The following NUP98 variants were observed in gnomAD, a reference collection of about 807,000 sequenced individuals.
The protein encoded by NUP98 is nucleoporin 98 and 96 precursor.
A neutral mutation model predicts 191.9 loss-of-function variants in NUP98; 26 were observed. That is an observed-to-expected ratio of 0.14 (90% CI 0.10 to 0.19). The LOEUF (loss-of-function observed/expected upper bound fraction) is 0.19. Ranked by LOEUF, NUP98 falls within the 10% of genes least tolerant of loss-of-function variation. The pLI is 1.00. For missense variants in NUP98, 1,941 were observed against 2,178.8 expected, an observed-to-expected ratio of 0.89 and a Z score of 2.17; for synonymous variants, 808 against 778.4, an observed-to-expected ratio of 1.04 and a Z score of -0.63.
intron 1 of NUP98, among the ~76,000 whole-genome samples, chr11:3,793,858 A>G (rs112224240): frequency 0.01 from 1,536 of 152,000 alleles, 29 homozygotes; most frequent in African/African-American, 0.035. Flanking sequence ...TAATCCAGCT[A>G]CTCGGGAGGC....
intron 14 of NUP98, among the ~76,000 whole-genome samples, chr11:3,730,372 T>C (rs573605671): frequency 3.7e-4 from 57 of 152,200 alleles, no homozygotes; most frequent in African/African-American, 1.3e-3. Flanking sequence ...CTTTTTTTTT[T>C]TGGAGGCCGA....
intron 18 of NUP98, among the ~76,000 whole-genome samples, chr11:3,716,725 A>G (rs999644546): frequency 6.6e-6 from 1 of 152,076 alleles, no homozygotes; most frequent in African/African-American, 2.4e-5. Flanking sequence ...ATTCGACTAT[A>G]TAGATGAAGT....
chr11:3,784,237 C>G (rs2082066717), intron 1 of NUP98, among the ~76,000 whole-genome samples: 1 of 152,130 alleles, frequency 6.6e-6, no homozygotes. Flanking sequence ...ATTCTAATAA[C>G]CAAACATTTT....
intron 28 of NUP98, among the ~76,000 whole-genome samples, chr11:3,689,266 C>T (rs1286559574): frequency 1.3e-5 from 2 of 152,108 alleles, no homozygotes; most frequent in African/African-American, 4.8e-5. Context: ...GTGGCTCGCG[C>T]CTGTAATCCC....
intron 19 of NUP98, 140 bp from the exon 20 acceptor site, chr11:3,712,868 C>A (rs988177897): frequency 7.8e-6 from 6 of 766,898 alleles, no homozygotes; most frequent in Non-Finnish European, 1.2e-5. Context: ...AAATATATCA[C>A]CTATCACACT....
chr11:3,688,512 T>C lies in NUP98; in HGVS notation c.4455-2318A>G, dbSNP rs774541012. ...CTATATAATTAATATAGTTAAATACTGGCCAGGCACAGTGGCTCACACCTA... is the reference window on the plus strand; with the variant it reads ...CTATATAATTAATATAGTTAAATACCGGCCAGGCACAGTGGCTCACACCTA... On this transcript the variant is annotated intron_variant, in intron 28 of 32. Transcript: ENST00000324932. Among the ~76,000 whole-genome samples, 102 of 151,566 alleles carry C rather than the reference T, an allele frequency of 6.7e-4. 1 individual carries two copies. The highest frequency in any genetic ancestry group is 1.2e-3 in the Non-Finnish European group (84 of 67,864).
At chr11:3,757,296 C>T (rs1248817527) in intron 10 of NUP98, among the ~76,000 whole-genome samples, 1 of 151,722 alleles carries the variant, frequency 6.6e-6, no homozygotes, top group Non-Finnish European at 1.5e-5. Flanking sequence ...CGAGGCCAGC[C>T]TGGGTGACAT....
At position 3,762,891 on chromosome 11, in the gene NUP98, C is replaced by A. The variant is rs2134525327; in HGVS notation, c.1086+11G>T. The A allele has an allele frequency of 6.2e-7, 1 of 1,611,670 alleles. No homozygotes were observed. The highest frequency in any genetic ancestry group is 8.5e-7 in the Non-Finnish European group (1 of 1,179,322). On this transcript the variant is annotated intron_variant, in intron 9 of 32. Coordinates refer to ENST00000324932, the MANE Select transcript of NUP98 (RefSeq NM_016320.5). ...CACATCTTCAAATTACAGTCAACTG[C>A]AGAAACCTACCGAACCAACAGCACC... is the stretch of plus-strand genomic sequence containing the variant.
In NUP98 at chr11:3,719,555, A is replaced by G; in HGVS notation, c.2261-5T>C. On this transcript the variant is annotated splice_polypyrimidine_tract_variant and splice_region_variant and intron_variant, in intron 17 of 32. Transcript: ENST00000324932. ...CAAAATAGATTGAACCATAACCTAT[A>G]AATCAGAGCAAATAGTTAAAAATTC... 1 of 1,540,644 alleles carries G rather than the reference A, an allele frequency of 6.5e-7. No homozygotes were observed. The highest frequency in any genetic ancestry group is 8.7e-7 in the Non-Finnish European group (1 of 1,148,312).
At position 3,712,746 on chromosome 11, in the gene NUP98, C is replaced by A. The variant is rs1398499892; in HGVS notation, c.2578-18G>T. On this transcript the variant is annotated intron_variant, in intron 19 of 32. Coordinates refer to ENST00000324932, the MANE Select transcript of NUP98 (RefSeq NM_016320.5). The stretch of plus-strand genomic sequence containing the variant: ...TGGGAGACCTAAGGAAGAGAAGAAC[C>A]CCACAAAACAACTTAAACATTATGC... 1 of 1,608,566 alleles carries A rather than the reference C, an allele frequency of 6.2e-7. No individual in the cohort carries two copies. The highest frequency in any genetic ancestry group is 2.2e-5 in the East Asian group (1 of 44,850).
chr11:3,765,711 GA>G (rs1277013766), intron 8 of NUP98, among the ~76,000 whole-genome samples: 1 of 150,354 alleles, frequency 6.7e-6, no homozygotes, highest in African/African-American at 2.5e-5. Context: ...CAAGGCAGGA[GA>G]ATCGCTTGAA....
intron 30 of NUP98, among the ~76,000 whole-genome samples, chr11:3,680,811 G>T (rs552128300): frequency 5.9e-5 from 9 of 152,228 alleles, no homozygotes; most frequent in African/African-American, 1.9e-4. Flanking sequence ...GCCCCCCAAA[G>T]TGCTGGGATT....
At chr11:3,763,144 G>T in intron 8 of NUP98, 105 bp from the exon 9 acceptor site, 1 of 991,924 alleles carries the variant, frequency 1.0e-6, no homozygotes, top group Non-Finnish European at 1.5e-6. Context: ...TTATATGACA[G>T]ATATTAGGCT....
intron 11 of NUP98, among the ~76,000 whole-genome samples, chr11:3,750,184 A>C (rs1049605591): frequency 6.6e-6 from 1 of 152,198 alleles, no homozygotes; most frequent in African/African-American, 2.4e-5. Flanking sequence ...CAGCGGAATG[A>C]TCACCGCTCA....
intron 1 of NUP98, among the ~76,000 whole-genome samples, chr11:3,789,375 C>A (rs1471598176): frequency 6.6e-6 from 1 of 152,158 alleles, no homozygotes. Flanking sequence ...AAAAACAAAT[C>A]CCATCCCTGC....
At chr11:3,781,042 C>T (rs1475117849) in intron 2 of NUP98, among the ~76,000 whole-genome samples, 2 of 151,838 alleles carry the variant, frequency 1.3e-5, no homozygotes, top group African/African-American at 4.8e-5. Flanking sequence ...AAAAATGAGC[C>T]AGGCGTGGTG....
At position 3,771,598 on chromosome 11, in the gene NUP98, C is replaced by T. The variant is rs1279243614; in HGVS notation, c.784+150G>A. 9.3e-6 allele frequency: 6 copies of T among 644,112 alleles called. No individual in the cohort carries two copies. In the African/African-American group the frequency reaches 1.1e-4, roughly 12 times the overall value. 39.9% of individuals were successfully genotyped at this position (644,112 alleles called of 1,614,324 possible). A position where few individuals can be genotyped will look rare whatever the true frequency, so the allele number is the denominator to read the frequency against. ...ATCTTAAACTGTCTTTCTCCCTTTCCCCACATACATCCAGGCATTCCTCCC... is the reference window on the plus strand; with the variant it reads ...ATCTTAAACTGTCTTTCTCCCTTTCTCCACATACATCCAGGCATTCCTCCC... On this transcript the variant is annotated intron_variant, in intron 7 of 32. Coordinates refer to ENST00000324932, the MANE Select transcript of NUP98 (RefSeq NM_016320.5).
intron 17 of NUP98, 105 bp from the exon 18 acceptor site, chr11:3,719,655 A>G: frequency 1.2e-6 from 1 of 821,680 alleles, no homozygotes; most frequent in Non-Finnish European, 1.8e-6. Flanking sequence ...AGTTTTAAGT[A>G]TTAGTATTTT....
chr11:3,732,117 G>A (rs1264620517), intron 13 of NUP98, among the ~76,000 whole-genome samples: 1 of 152,124 alleles, frequency 6.6e-6, no homozygotes, highest in African/African-American at 2.4e-5. Flanking sequence ...CAGTGGAAGC[G>A]TGCACCTGTA....
Sources: gnomAD v4.1 joint callset for allele counts (sites outside exome capture counted in the v4.1 genomes callset) on GRCh38, gnomAD v4.1.1 for gene constraint, MANE v1.5 for transcripts, NCBI Gene and HGNC (gene_info 2026-07-23, HGNC 2026-07-21) for gene names.